CCDC157: variants seen among roughly 807,000 people sequenced by gnomAD.
The protein encoded by CCDC157 is coiled-coil domain containing 157.
Under a neutral mutation model 70.9 loss-of-function variants are expected in CCDC157, and 60 were observed. The ratio of observed to expected loss-of-function variants is 0.85; its 90% CI spans 0.69 to 1.05. The LOEUF (loss-of-function observed/expected upper bound fraction) is 1.05, where lower values mean the gene tolerates loss of function less well. CCDC157 is among the 50% of genes least tolerant of loss of function. CCDC157 has a pLI of 0.00. For synonymous variants in CCDC157, 373 were observed against 422.4 expected (o/e 0.88, Z 1.43); for missense variants, 943 against 984.2 (o/e 0.96, Z 0.56).
At chr22:30,370,271 C>T in intron 4 of CCDC157, 55 bp from the exon 5 acceptor site, 1 of 1,578,406 alleles carries the variant, frequency 6.3e-7, no homozygotes, top group Non-Finnish European at 8.7e-7. Context: ...GAACCAGTCA[C>T]CTCCCTCTCT....
At chr22:30,364,814 C>CA (rs761781292) in intron 2 of CCDC157, among the ~76,000 whole-genome samples, 12,571 of 114,164 alleles carry the variant, frequency 0.11, 659 homozygotes, top group Middle Eastern at 0.14. Flanking sequence ...GACACCATCT[C>CA]AAAAAAAAAA....
chr22:30,374,131 CAG>C (rs1569193510), intron 9 of CCDC157, 40 bp downstream of exon 9: 1 of 1,551,572 alleles, frequency 6.4e-7, no homozygotes, highest in Admixed American at 1.9e-5. Context: ...TGCTGGGGCT[CAG>C]GGCCAGCAGC....
Position 30,375,466 on chromosome 22 carries a change from C to T in CCDC157, c.1673-13C>T. On this transcript the variant is annotated splice_polypyrimidine_tract_variant and intron_variant, in intron 9 of 11. Coordinates refer to ENST00000338306, the MANE Select transcript of CCDC157 (RefSeq NM_001017437.5). ...TGTGCCTCCCTTCTAAGGTCCTGTCCCATTGGGCACAGGAGGCAGATCCAG... is the reference window on the plus strand; with the variant it reads ...TGTGCCTCCCTTCTAAGGTCCTGTCTCATTGGGCACAGGAGGCAGATCCAG... 2.5e-6 allele frequency: 4 copies of T among 1,613,846 alleles called. No individual in the cohort carries two copies. The highest frequency in any genetic ancestry group is 3.4e-6 in the Non-Finnish European group (4 of 1,179,872).
chr22:30,372,105 G>C lies in CCDC157; in HGVS notation c.1154G>C (p.Gly385Ala), dbSNP rs770367866. 1.2e-5 allele frequency: 18 copies of C among 1,553,852 alleles called. No individual in the cohort carries two copies. The East Asian group carries it at 4.3e-4, about 37-fold the overall frequency. Reference sequence around the variant, plus strand: ...AAGGCCCAGCAGCTGCAGGAGGAAGGTGAGCGCAGGGCGGCAGCGGAGAGG... The same window carrying C: ...AAGGCCCAGCAGCTGCAGGAGGAAGCTGAGCGCAGGGCGGCAGCGGAGAGG... The part of the protein sequence containing the change: ...EAKAQQLQEE[G>A]ERRAAAERQV... The change falls in exon 7 of 12, where the codon GGT (glycine) becomes GCT (alanine). Residue 385 changes from glycine (G) to alanine (A), a missense_variant. Physicochemically the swap from Gly to Ala is moderately conservative, Grantham distance 60. Coordinates refer to ENST00000338306, the MANE Select transcript of CCDC157 (RefSeq NM_001017437.5).
At chr22:30,374,652 C>T (rs891195355) in intron 9 of CCDC157, 9 of 456,706 alleles carry the variant, frequency 2.0e-5, no homozygotes, top group Non-Finnish European at 3.1e-5. Context: ...GTTAGCTGCT[C>T]GTGAGACATC....
chr22:30,373,844 TG>T (rs1048880448), intron 8 of CCDC157, 78 bp from the exon 9 acceptor site: 6 of 1,537,540 alleles, frequency 3.9e-6, no homozygotes, highest in African/African-American at 1.4e-5. Flanking sequence ...TGTCTTTTCT[TG>T]GGTAGGGACG....
At chr22:30,356,711 AG>A, upstream of CCDC157, 1 of 1,472,682 alleles carries the variant, frequency 6.8e-7, no homozygotes, top group Non-Finnish European at 9.0e-7. Context: ...CTGCAGGCTG[AG>A]GGGCGGGGGA....
At chr22:30,359,550 C>T (rs1932186493) in intron 1 of CCDC157, among the ~76,000 whole-genome samples, 1 of 152,242 alleles carries the variant, frequency 6.6e-6, no homozygotes, top group South Asian at 2.1e-4. Flanking sequence ...AATGCACACA[C>T]AGCATCCAAC....
Position 30,375,738 on chromosome 22 carries a change from C to T in CCDC157, c.1857+75C>T, listed in dbSNP as rs1017293226. Reference sequence around the variant, plus strand: ...AGCAGCAGGTCTTCAGACTCTGCCCCGGGAACTTGTGGAGAGCCCACCTCA... The same window carrying T: ...AGCAGCAGGTCTTCAGACTCTGCCCTGGGAACTTGTGGAGAGCCCACCTCA... On this transcript the variant is annotated intron_variant, in intron 10 of 11. Coordinates refer to ENST00000338306, the MANE Select transcript of CCDC157 (RefSeq NM_001017437.5). The T allele has an allele frequency of 6.7e-5, 92 of 1,373,788 alleles. No homozygotes were observed. In the African/African-American group the frequency reaches 7.9e-4, roughly 12 times the overall value. 85.1% of individuals were successfully genotyped at this position (1,373,788 alleles called of 1,614,324 possible). A position where few individuals can be genotyped will look rare whatever the true frequency, so the allele number is the denominator to read the frequency against.
At chr22:30,371,806 C>G in intron 6 of CCDC157, 79 bp downstream of exon 6, 2 of 1,278,824 alleles carry the variant, frequency 1.6e-6, no homozygotes, top group South Asian at 2.4e-5. Context: ...CATCTCTGTC[C>G]CCTGAGCATC....
chr22:30,374,880 CT>C, intron 9 of CCDC157: 2 of 366,698 alleles, frequency 5.5e-6, no homozygotes, highest in Non-Finnish European at 1.1e-5. Flanking sequence ...GGACAGCTCA[CT>C]TTGGCTGTAG....
At chr22:30,361,830 C>T (rs1012518156) in intron 1 of CCDC157, 131 bp from the exon 2 acceptor site, 3 of 147,150 alleles carry the variant, frequency 2.0e-5, no homozygotes, top group Non-Finnish European at 3.0e-5. Flanking sequence ...GCAGGCAGCC[C>T]ACCTGCCCCT....
chr22:30,376,549 C>T lies in CCDC157; in HGVS notation c.2063C>T (p.Ser688Phe), dbSNP rs754232112. 17 of 1,613,080 alleles carry T rather than the reference C, an allele frequency of 1.1e-5. No individual in the cohort carries two copies. In the Admixed American group the frequency reaches 2.7e-4, roughly 25 times the overall value. ...TCCCCACCTCGGCAGCCCTGCACAT[C>T]CCCACCTCGGCAGCCCTGCACATCC... ...CTSPPRQPCT[S>F]PPRQPCTSPS... The change falls in exon 12 of 12, where the codon TCC becomes TTC. Residue 688 changes from serine (S) to phenylalanine (F), a missense_variant. Ser to Phe is a radical substitution (Grantham distance 155). Coordinates refer to ENST00000338306, the MANE Select transcript of CCDC157 (RefSeq NM_001017437.5).
At chr22:30,363,984 A>C (rs902899688) in intron 2 of CCDC157, among the ~76,000 whole-genome samples, 7 of 152,116 alleles carry the variant, frequency 4.6e-5, no homozygotes, top group Non-Finnish European at 1.0e-4. Flanking sequence ...GCCTGGCCTC[A>C]AAAGTTTCTT....
chr22:30,366,437 G>A, intron 3 of CCDC157, 189 bp downstream of exon 3: 1 of 689,774 alleles, frequency 1.4e-6, no homozygotes, highest in Non-Finnish European at 2.5e-6. Flanking sequence ...GTCTTGTGTT[G>A]TGTGCTGTGC....
At position 30,366,150 on chromosome 22, in the gene CCDC157, C is replaced by T. The variant is rs41281641; in HGVS notation, c.150C>T (p.Leu50=). ...TCCCTGACCGCATGGCCTGTGACCTCGACATGGTGGCCCTGCTGGAGCACT... is the reference window on the plus strand; with the variant it reads ...TCCCTGACCGCATGGCCTGTGACCTTGACATGGTGGCCCTGCTGGAGCACT... ...WKFPDRMACD[L]DMVALLEHYD... is the part of the protein sequence containing the mutation. The change falls in exon 3 of 12, where the codon CTC becomes CTT. Residue 50 remains leucine (L), a synonymous_variant. Transcript: ENST00000338306. 0.084 allele frequency: 136,233 copies of T among 1,613,756 alleles called. 6,202 individuals are homozygous for T. Among genetic ancestry groups the T allele is most frequent in the African/African-American group, 0.11 (8,354 of 75,034 alleles).
chr22:30,373,883 G>C, intron 8 of CCDC157, 40 bp from the exon 9 acceptor site: 2 of 1,581,432 alleles, frequency 1.3e-6, no homozygotes, highest in East Asian at 4.6e-5. Context: ...GTACCATGTA[G>C]CTCACTCAGG....
At chr22:30,356,667 G>T, upstream of CCDC157, 1 of 1,279,690 alleles carries the variant, frequency 7.8e-7, no homozygotes, top group Non-Finnish European at 1.0e-6. Context: ...GCTTATTCCT[G>T]TGCGAGTAAG....
chr22:30,364,124 C>T (rs779213463), intron 2 of CCDC157, among the ~76,000 whole-genome samples: 1 of 152,084 alleles, frequency 6.6e-6, no homozygotes, highest in Non-Finnish European at 1.5e-5. Context: ...AGTGAGATCC[C>T]GTCTTTACAA....
Sources: allele counts gnomAD v4.1 joint callset (sites outside exome capture counted in the v4.1 genomes callset), GRCh38; gene constraint gnomAD v4.1.1; transcripts MANE v1.5; gene names NCBI Gene and HGNC (gene_info 2026-07-23, HGNC 2026-07-21).